Variants in CTNND2 observed in about 807,000 individuals in gnomAD.
CTNND2 encodes the protein catenin delta-2.
A neutral mutation model predicts 144.4 loss-of-function variants in CTNND2; 22 were observed. The observed-to-expected ratio is 0.15, with a 90% CI of 0.11 to 0.22. The LOEUF (loss-of-function observed/expected upper bound fraction) is 0.22. Among genes scored for constraint, CTNND2 ranks in the 10% least tolerant of loss-of-function variants. The pLI, the probability that CTNND2 is intolerant of heterozygous loss-of-function variation, is 1.00. For missense variants in CTNND2, 1,353 were observed against 1,618.8 expected (o/e 0.84, Z 2.82); for synonymous variants, 751 against 695.6 (o/e 1.08, Z -1.25).
chr5:11,540,729 C>G (rs917943880), intron 3 of CTNND2, among the ~76,000 whole-genome samples: 1 of 152,072 alleles, frequency 6.6e-6, no homozygotes, highest in Admixed American at 6.5e-5. Flanking sequence ...AAGCTGGTTT[C>G]GAACTCCTGA....
rs148703418 is a variant in CTNND2 at position 11,609,286 on chromosome 5, A to G, written c.175-44230T>C. 5.1e-4 allele frequency among the ~76,000 whole-genome samples: 77 copies of G among 152,328 alleles called. No homozygotes were observed. In the East Asian group the frequency reaches 0.012, roughly 24 times the overall value. Reference sequence around the variant, plus strand: ...CAGTAAGTCATGTGGTTTAAGAACTATGCCTTCCTATCTACTGTCCACTAA... The same window carrying G: ...CAGTAAGTCATGTGGTTTAAGAACTGTGCCTTCCTATCTACTGTCCACTAA... On this transcript the variant is annotated intron_variant, in intron 2 of 21. Transcript: ENST00000304623.
At chr5:11,221,471 G>A (rs1739784959) in intron 10 of CTNND2, among the ~76,000 whole-genome samples, 1 of 152,246 alleles carries the variant, frequency 6.6e-6, no homozygotes, top group African/African-American at 2.4e-5. Flanking sequence ...AAGGTTGGAA[G>A]AGTGATCAGA....
At chr5:11,416,102 G>C (rs1171844327) in intron 3 of CTNND2, among the ~76,000 whole-genome samples, 1 of 152,144 alleles carries the variant, frequency 6.6e-6, no homozygotes, top group Non-Finnish European at 1.5e-5. Flanking sequence ...CTTGCTCTTC[G>C]ATTTCTGCAG....
At chr5:11,831,436 AGCCGGGTAGATCACGAGG>A in intron 1 of CTNND2, among the ~76,000 whole-genome samples, 1 of 152,222 alleles carries the variant, frequency 6.6e-6, no homozygotes, top group South Asian at 2.1e-4. Flanking sequence ...TAGGAGGCTG[AGCCGGGTAGATCACGAGG>A]TCAGGAGATC....
chr5:11,838,781 C>T lies in CTNND2; in HGVS notation c.37+65036G>A, dbSNP rs146777739. 4.3e-3 allele frequency among the ~76,000 whole-genome samples: 649 copies of T among 152,256 alleles called. 3 individuals carry two copies. Among genetic ancestry groups the T allele is most frequent in the African/African-American group, 0.015 (611 of 41,548 alleles). ...CAATGTCTTTGATATTGTGTCATAT[C>T]TTAAAATCTATGACATCTTAAAATT... is the stretch of plus-strand genomic sequence containing the variant. On this transcript the variant is annotated intron_variant, in intron 1 of 21. Transcript: ENST00000304623.
chr5:11,605,801 A>T (rs564842667), intron 2 of CTNND2, among the ~76,000 whole-genome samples: 13 of 152,268 alleles, frequency 8.5e-5, no homozygotes, highest in Admixed American at 6.5e-4. Flanking sequence ...AGCTAAGAGG[A>T]CATGGCAGTT....
intron 3 of CTNND2, among the ~76,000 whole-genome samples, chr5:11,526,547 G>T (rs527597800): frequency 1.3e-5 from 2 of 152,194 alleles, no homozygotes; most frequent in African/African-American, 4.8e-5. Flanking sequence ...GCCTTCGGTA[G>T]AATCACGCCA....
chr5:11,771,022 C>A (rs1270185234), intron 1 of CTNND2, among the ~76,000 whole-genome samples: 3 of 151,962 alleles, frequency 2.0e-5, no homozygotes, highest in African/African-American at 7.3e-5. Context: ...TAATGTATGT[C>A]CACTGGATTC....
chr5:11,259,921 T>G (rs1402235420), intron 9 of CTNND2, among the ~76,000 whole-genome samples: 1 of 152,204 alleles, frequency 6.6e-6, no homozygotes, highest in Admixed American at 6.5e-5. Context: ...TTCACTAATA[T>G]TTTTTAAAGG....
At chr5:11,810,456 T>C (rs6554647) in intron 1 of CTNND2, among the ~76,000 whole-genome samples, 132,094 of 152,204 alleles carry the variant, frequency 0.87, 59,379 homozygotes, top group Non-Finnish European at 0.99. Flanking sequence ...CATTGAACCA[T>C]TGCCTCAAGC....
intron 3 of CTNND2, among the ~76,000 whole-genome samples, chr5:11,450,457 A>C (rs1765200554): frequency 6.6e-6 from 1 of 152,160 alleles, no homozygotes. Flanking sequence ...TTATCCATGC[A>C]CCCAATATCT....
At chr5:11,709,504 AT>A (rs1421065340) in intron 2 of CTNND2, among the ~76,000 whole-genome samples, 6 of 152,260 alleles carry the variant, frequency 3.9e-5, no homozygotes, top group Admixed American at 3.9e-4. Flanking sequence ...AAAATGTCAG[AT>A]AAAAGAAGAT....
intron 2 of CTNND2, among the ~76,000 whole-genome samples, chr5:11,577,291 G>C (rs1225454093): frequency 6.6e-6 from 1 of 152,200 alleles, no homozygotes; most frequent in Non-Finnish European, 1.5e-5. Context: ...GACGCAGTCA[G>C]GGAAGATACG....
At chr5:10,992,427 T>C in intron 19 of CTNND2, 124 bp downstream of exon 19, 1 of 1,354,710 alleles carries the variant, frequency 7.4e-7, no homozygotes, top group Non-Finnish European at 1.0e-6. Context: ...ATTCATTTCC[T>C]ACTTCTAGCG....
intron 8 of CTNND2, among the ~76,000 whole-genome samples, chr5:11,361,116 C>T (rs1274361190): frequency 2.6e-5 from 4 of 152,074 alleles, no homozygotes; most frequent in African/African-American, 9.7e-5. Flanking sequence ...CATCTCCTGG[C>T]TTCAAGTGAT....
intron 1 of CTNND2, among the ~76,000 whole-genome samples, chr5:11,742,544 A>G (rs1402132328): frequency 6.6e-6 from 1 of 152,070 alleles, no homozygotes; most frequent in Non-Finnish European, 1.5e-5. Flanking sequence ...GTTCTAAAAA[A>G]CAAATGTTGG....
At chr5:11,387,533 C>T (rs944723857) in intron 6 of CTNND2, among the ~76,000 whole-genome samples, 3 of 152,112 alleles carry the variant, frequency 2.0e-5, no homozygotes, top group Non-Finnish European at 4.4e-5. Flanking sequence ...TACTGGGGTT[C>T]CCTATCAACT....
intron 3 of CTNND2, among the ~76,000 whole-genome samples, chr5:11,513,490 C>T (rs1581382489): frequency 6.6e-6 from 1 of 152,150 alleles, no homozygotes; most frequent in African/African-American, 2.4e-5. Flanking sequence ...TTCTCAGGTT[C>T]CTACGCTCAC....
At chr5:11,051,717 G>C (rs1028194020) in intron 16 of CTNND2, among the ~76,000 whole-genome samples, 2 of 152,028 alleles carry the variant, frequency 1.3e-5, no homozygotes, top group Non-Finnish European at 2.9e-5. Flanking sequence ...TATGAAATTA[G>C]AGCATGAATA....
Sources: gnomAD v4.1 joint callset for allele counts (sites outside exome capture counted in the v4.1 genomes callset) on GRCh38, gnomAD v4.1.1 for gene constraint, MANE v1.5 for transcripts, NCBI Gene and HGNC (gene_info 2026-07-23, HGNC 2026-07-21) for gene names.